The following ESRRG variants were observed in gnomAD, a reference collection of about 807,000 sequenced individuals.
ESRRG encodes the protein estrogen-related receptor gamma.
Under a neutral mutation model 44.0 loss-of-function variants are expected in ESRRG, and 13 were observed. The observed-to-expected ratio is 0.30, with a 90% CI of 0.19 to 0.47. The LOEUF is 0.47. Among genes scored for constraint, ESRRG ranks in the 20% least tolerant of loss-of-function variants. The probability of loss-of-function intolerance (pLI) is 1.00; values close to 1 mark genes in which losing one functional copy is unlikely to be tolerated. For synonymous variants in ESRRG, 215 were observed against 214.6 expected (o/e 1.00, Z -0.02); for missense variants, 395 against 580.6 (o/e 0.68, Z 3.29).
chr1:217,058,157 ACT>A (rs1473539730), intron 1 of ESRRG, among the ~76,000 whole-genome samples: 1 of 152,136 alleles, frequency 6.6e-6, no homozygotes, highest in Non-Finnish European at 1.5e-5. Flanking sequence ...ATTCTAGTAA[ACT>A]CTCTGAGTTT....
chr1:216,807,721 A>C (rs1263266587), intron 2 of ESRRG, among the ~76,000 whole-genome samples: 1 of 151,944 alleles, frequency 6.6e-6, no homozygotes, highest in Non-Finnish European at 1.5e-5. Flanking sequence ...CCAATAAAAA[A>C]AAAAAATCAT....
At chr1:216,975,548 T>C (rs1307538944) in intron 1 of ESRRG, among the ~76,000 whole-genome samples, 2 of 152,184 alleles carry the variant, frequency 1.3e-5, no homozygotes, top group African/African-American at 4.8e-5. Context: ...CTAGTCTCTA[T>C]TAAATCACAG....
intron 2 of ESRRG, among the ~76,000 whole-genome samples, chr1:216,815,563 G>A (rs1199570671): frequency 1.3e-5 from 2 of 152,138 alleles, no homozygotes; most frequent in Non-Finnish European, 2.9e-5. Flanking sequence ...ACCTGCCCTG[G>A]GAAAAAGACC....
intron 1 of ESRRG, among the ~76,000 whole-genome samples, chr1:217,102,152 T>C (rs1558263054): frequency 6.6e-6 from 1 of 152,210 alleles, no homozygotes; most frequent in African/African-American, 2.4e-5. Flanking sequence ...ATTTAAACAC[T>C]GCACATGCAT....
chr1:216,610,434 A>AT lies in ESRRG; in HGVS notation c.589+40538dup, dbSNP rs905372489. Among the ~76,000 whole-genome samples the AT allele has an allele frequency of 4.0e-4, 60 of 151,516 alleles. 1 individual carries two copies. The highest frequency in any genetic ancestry group is 2.9e-3 in the South Asian group (14 of 4,798). On this transcript the variant is annotated intron_variant, in intron 3 of 6. Coordinates refer to ENST00000408911, the MANE Select transcript of ESRRG (RefSeq NM_001438.4). ...GCATTTGAAGAATATTTAAAGGAAC[A>AT]TTTTTTTTTCCATTTGACTTAGCTT...
chr1:217,016,589 G>A lies in ESRRG; in HGVS notation c.-106+72918C>T, dbSNP rs544486033. 3.3e-5 allele frequency among the ~76,000 whole-genome samples: 5 copies of A among 152,156 alleles called. No individual in the cohort carries two copies. In the South Asian group the frequency reaches 1.0e-3, roughly 32 times the overall value. ...ATCATTGTCATTATCATCACTAGGG[G>A]AAAGTATCTGGGCTGGAAATCCTGT... On this transcript the variant is annotated intron_variant, in intron 1 of 7. Transcript: ENST00000359162.
Position 216,601,471 on chromosome 1 carries a change from C to A in ESRRG, c.590-33373G>T, listed in dbSNP as rs116768657. Among the ~76,000 whole-genome samples the A allele has an allele frequency of 3.2e-3, 481 of 152,300 alleles. 13 individuals are homozygous for A. Among genetic ancestry groups the A allele is most frequent in the Admixed American group, 0.029 (451 of 15,296 alleles). On this transcript the variant is annotated intron_variant, in intron 3 of 6. Transcript: ENST00000408911. ...AGACACAAGTGCGGATAAGACTTAA[C>A]ACATTTCCTGAAGAGGATTCCTTGT...
intron 5 of ESRRG, among the ~76,000 whole-genome samples, chr1:216,550,504 T>C (rs2055965993): frequency 6.6e-6 from 1 of 152,118 alleles, no homozygotes; most frequent in South Asian, 2.1e-4. Flanking sequence ...CTGATATCCC[T>C]GACTAAGCAG....
chr1:216,736,375 G>A (rs534816362), intron 2 of ESRRG, among the ~76,000 whole-genome samples: 2 of 151,916 alleles, frequency 1.3e-5, no homozygotes, highest in East Asian at 3.9e-4. Context: ...AGTAGAGACG[G>A]GGTTTCACCG....
At chr1:216,860,560 T>C (rs1180426142) in intron 2 of ESRRG, among the ~76,000 whole-genome samples, 1 of 152,028 alleles carries the variant, frequency 6.6e-6, no homozygotes, top group Non-Finnish European at 1.5e-5. Flanking sequence ...AGATTTCTCA[T>C]TGGAAAGAGT....
chr1:216,805,983 GCCAT>G (rs774505311), intron 2 of ESRRG, among the ~76,000 whole-genome samples: 9 of 152,262 alleles, frequency 5.9e-5, no homozygotes, highest in East Asian at 3.9e-4. Context: ...TTTCTTCAGA[GCCAT>G]CCTTTCTTTC....
intron 1 of ESRRG, among the ~76,000 whole-genome samples, chr1:217,104,990 T>A (rs1269127463): frequency 6.6e-6 from 1 of 152,164 alleles, no homozygotes; most frequent in Non-Finnish European, 1.5e-5. Flanking sequence ...TCTGTGTGAA[T>A]TCAGTTGGAC....
intron 1 of ESRRG, among the ~76,000 whole-genome samples, chr1:216,995,848 A>G (rs2076307471): frequency 6.6e-6 from 1 of 152,140 alleles, no homozygotes; most frequent in African/African-American, 2.4e-5. Context: ...TTTTTGTTCT[A>G]TCATAAACCA....
upstream of ESRRG, among the ~76,000 whole-genome samples, chr1:216,725,506 A>G (rs1276986535): frequency 6.6e-6 from 1 of 152,174 alleles, no homozygotes; most frequent in African/African-American, 2.4e-5. Context: ...AAAAATAAAT[A>G]AAACAGGCAT....
chr1:216,951,532 T>C (rs942575818), intron 1 of ESRRG, among the ~76,000 whole-genome samples: 4 of 152,124 alleles, frequency 2.6e-5, no homozygotes, highest in Admixed American at 6.6e-5. Flanking sequence ...TGGGCTGTTT[T>C]TAGCTTCCGC....
chr1:216,974,465 A>G (rs999132922), intron 1 of ESRRG, among the ~76,000 whole-genome samples: 2 of 152,316 alleles, frequency 1.3e-5, no homozygotes, highest in African/African-American at 4.8e-5. Flanking sequence ...GGGGAAAAAA[A>G]TAGCAACAAA....
chr1:217,062,310 G>C (rs751139292), intron 1 of ESRRG, among the ~76,000 whole-genome samples: 1 of 152,154 alleles, frequency 6.6e-6, no homozygotes, highest in Non-Finnish European at 1.5e-5. Flanking sequence ...TACCGTGTGA[G>C]AGACTTTATA....
At chr1:216,691,303 T>C (rs2079013362) in intron 1 of ESRRG, among the ~76,000 whole-genome samples, 1 of 152,168 alleles carries the variant, frequency 6.6e-6, no homozygotes, top group African/African-American at 2.4e-5. Context: ...AAGTAGAACG[T>C]ATTAGGGAGA....
At chr1:216,980,633 A>G (rs2073799926) in intron 1 of ESRRG, among the ~76,000 whole-genome samples, 1 of 151,786 alleles carries the variant, frequency 6.6e-6, no homozygotes, top group Non-Finnish European at 1.5e-5. Flanking sequence ...CTGCTCCCCC[A>G]CCCATTTCAA....
Sources: gnomAD v4.1 joint callset for allele counts (sites outside exome capture counted in the v4.1 genomes callset) on GRCh38, gnomAD v4.1.1 for gene constraint, MANE v1.5 for transcripts, NCBI Gene and HGNC (gene_info 2026-07-23, HGNC 2026-07-21) for gene names.